Variants in MROH9 observed in about 807,000 individuals in gnomAD.
MROH9 encodes maestro heat-like repeat-containing protein family member 9.
A neutral mutation model predicts 98.2 loss-of-function variants in MROH9; 92 were observed. The observed-to-expected ratio is 0.94, with a 90% CI of 0.79 to 1.11. The LOEUF (loss-of-function observed/expected upper bound fraction) is 1.11, where lower values mean the gene tolerates loss of function less well. Among genes scored for constraint, MROH9 ranks in the 50% most tolerant of loss-of-function variants. The pLI is 0.00. For synonymous variants in MROH9, 397 were observed against 368.9 expected, an observed-to-expected ratio of 1.08 and a Z score of -0.87; for missense variants, 1,057 against 1,014.8, an observed-to-expected ratio of 1.04 and a Z score of -0.57.
chr1:170,945,829 A>T (rs1319637803), intron 2 of MROH9, among the ~76,000 whole-genome samples: 1 of 152,110 alleles, frequency 6.6e-6, no homozygotes, highest in Non-Finnish European at 1.5e-5. Flanking sequence ...AAAAAATTAG[A>T]AACTAGTGAT....
intron 2 of MROH9, among the ~76,000 whole-genome samples, chr1:170,946,969 T>C (rs1649354649): frequency 6.6e-6 from 1 of 151,954 alleles, no homozygotes; most frequent in Non-Finnish European, 1.5e-5. Context: ...TTATTTCTAT[T>C]TTTAAATAAT....
intron 20 of MROH9, among the ~76,000 whole-genome samples, chr1:171,049,135 C>T (rs771946976): frequency 6.6e-6 from 1 of 152,166 alleles, no homozygotes. Context: ...GATGCCAGCA[C>T]TGCCTTGGAT....
At chr1:170,957,996 A>G (rs1379735662) in intron 3 of MROH9, among the ~76,000 whole-genome samples, 2 of 152,126 alleles carry the variant, frequency 1.3e-5, no homozygotes, top group East Asian at 3.9e-4. Context: ...TTTTTAGTAG[A>G]GACGGGGTTT....
intron 7 of MROH9, among the ~76,000 whole-genome samples, chr1:170,969,525 G>A (rs1650358728): frequency 6.6e-6 from 1 of 152,180 alleles, no homozygotes; most frequent in South Asian, 2.1e-4. Context: ...CGAAGTGGAA[G>A]AATGGAATTG....
intron 11 of MROH9, among the ~76,000 whole-genome samples, chr1:170,990,450 G>T (rs1651315139): frequency 6.6e-6 from 1 of 152,146 alleles, no homozygotes; most frequent in South Asian, 2.1e-4. Context: ...TTAAAATTGG[G>T]AGTCCTGTGT....
At chr1:170,954,028 G>A (rs1016882570) in intron 3 of MROH9, among the ~76,000 whole-genome samples, 9 of 151,844 alleles carry the variant, frequency 5.9e-5, no homozygotes, top group African/African-American at 1.5e-4. Flanking sequence ...TGTGATATCC[G>A]TTATGACTGA....
intron 15 of MROH9, among the ~76,000 whole-genome samples, chr1:171,006,772 T>C (rs1486321126): frequency 6.6e-6 from 1 of 151,870 alleles, no homozygotes; most frequent in African/African-American, 2.4e-5. Flanking sequence ...CTCAATTGAA[T>C]TATTCAGCCT....
intron 20 of MROH9, among the ~76,000 whole-genome samples, chr1:171,036,418 A>T (rs1019942615): frequency 6.6e-6 from 1 of 152,102 alleles, no homozygotes; most frequent in Non-Finnish European, 1.5e-5. Context: ...TGTGTGAAAT[A>T]ATGGGAATTT....
intron 20 of MROH9, among the ~76,000 whole-genome samples, chr1:171,037,260 GAA>G (rs1278213475): frequency 6.6e-6 from 1 of 151,032 alleles, no homozygotes; most frequent in East Asian, 1.9e-4. Context: ...AGGGAGAGAG[GAA>G]AAAGAGAGGG....
chr1:171,034,306 TG>T (rs1188134859), intron 20 of MROH9, among the ~76,000 whole-genome samples: 1 of 152,158 alleles, frequency 6.6e-6, no homozygotes, highest in Non-Finnish European at 1.5e-5. Context: ...GAATTCTTCT[TG>T]AAGACATTAT....
chr1:171,006,827 T>G (rs949430280), intron 15 of MROH9, among the ~76,000 whole-genome samples: 1 of 148,282 alleles, frequency 6.7e-6, no homozygotes, highest in Non-Finnish European at 1.5e-5. Flanking sequence ...TGTTATTTTT[T>G]TTTTAATTAA....
At chr1:171,008,460 C>A (rs28731151) in intron 15 of MROH9, among the ~76,000 whole-genome samples, 21,579 of 152,150 alleles carry the variant, frequency 0.14, 1,709 homozygotes, top group African/African-American at 0.21. Flanking sequence ...TCAATTGTAA[C>A]AATCAATTCA....
At chr1:171,004,877 G>T (rs139403684) in intron 15 of MROH9, among the ~76,000 whole-genome samples, 5 of 152,026 alleles carry the variant, frequency 3.3e-5, no homozygotes, top group Non-Finnish European at 7.4e-5. Flanking sequence ...GACTACTATA[G>T]CTTTGTAATA....
chr1:171,035,216 A>G lies in MROH9; in HGVS notation c.2281+9796A>G, dbSNP rs1653057090. Reference sequence around the variant, plus strand: ...AACTAAAATGTATTAATTTTGATATATTAATTATAATAACTTAGAAAAAGA... The same window carrying G: ...AACTAAAATGTATTAATTTTGATATGTTAATTATAATAACTTAGAAAAAGA... On this transcript the variant is annotated intron_variant, in intron 20 of 21. Transcript: ENST00000367759. Among the ~76,000 whole-genome samples the G allele has an allele frequency of 2.0e-5, 3 of 152,006 alleles. No individual in the cohort carries two copies. The South Asian group carries it at 6.2e-4, about 31-fold the overall frequency.
chr1:171,014,836 T>C (rs941331497), intron 16 of MROH9, among the ~76,000 whole-genome samples: 2 of 152,210 alleles, frequency 1.3e-5, no homozygotes, highest in African/African-American at 4.8e-5. Context: ...GGAGACTTGC[T>C]AGAAATGCAA....
intron 17 of MROH9, among the ~76,000 whole-genome samples, chr1:171,018,413 G>A (rs1248844705): frequency 1.3e-5 from 2 of 149,754 alleles, no homozygotes; most frequent in Non-Finnish European, 3.0e-5. Context: ...CAGCCTCAAA[G>A]ATCAATACTA....
chr1:170,995,593 T>TA, intron 13 of MROH9, 62 bp downstream of exon 13: 1 of 1,576,142 alleles, frequency 6.3e-7, no homozygotes, highest in Non-Finnish European at 8.7e-7. Flanking sequence ...TCAATACTTC[T>TA]ACCCTCTTGG....
At chr1:171,045,064 C>T (rs1653427460) in intron 20 of MROH9, among the ~76,000 whole-genome samples, 1 of 123,930 alleles carries the variant, frequency 8.1e-6, no homozygotes, top group Admixed American at 1.1e-4. Flanking sequence ...TGCAGTGGTG[C>T]TATCTGGGCT....
At chr1:170,961,563 T>C (rs1036539943) in intron 5 of MROH9, among the ~76,000 whole-genome samples, 11 of 152,162 alleles carry the variant, frequency 7.2e-5, no homozygotes, top group African/African-American at 2.4e-4. Context: ...CTTTTCCTCC[T>C]ATAAACATGG....
Sources: allele counts gnomAD v4.1 joint callset (sites outside exome capture counted in the v4.1 genomes callset), GRCh38; gene constraint gnomAD v4.1.1; transcripts MANE v1.5; gene names NCBI Gene and HGNC (gene_info 2026-07-23, HGNC 2026-07-21).